The following ADAM32 variants were observed in gnomAD, a reference collection of about 807,000 sequenced individuals.
The protein encoded by ADAM32 is disintegrin and metalloproteinase domain-containing protein 32.
In ADAM32, 89 loss-of-function variants were observed where a neutral mutation model predicts 114.9. The observed-to-expected ratio is 0.77, with a 90% CI of 0.65 to 0.92. ADAM32 has a LOEUF of 0.92. Ranked by LOEUF, ADAM32 falls within the 40% of genes least tolerant of loss-of-function variation. The pLI is 0.00. For missense variants in ADAM32, 870 were observed against 932.8 expected (o/e 0.93, Z 0.88); for synonymous variants, 285 against 307.5 (o/e 0.93, Z 0.77).
intron 22 of ADAM32, among the ~76,000 whole-genome samples, chr8:39,279,806 A>G (rs1425218444): frequency 2.6e-5 from 4 of 152,038 alleles, no homozygotes; most frequent in Non-Finnish European, 4.4e-5. Context: ...TTGTTTTGCA[A>G]TTTAGGTTGA....
chr8:39,284,744 A>G (rs770497932), intron 24 of ADAM32, 49 bp from the exon 25 acceptor site: 2 of 1,608,862 alleles, frequency 1.2e-6, no homozygotes, highest in African/African-American at 2.7e-5. Flanking sequence ...AGTGGGAGGG[A>G]ATTTGCTGTC....
intron 2 of ADAM32, among the ~76,000 whole-genome samples, chr8:39,126,025 C>T (rs1378519856): frequency 6.6e-6 from 1 of 152,122 alleles, no homozygotes; most frequent in Admixed American, 6.6e-5. Context: ...GTCAATGTGT[C>T]TGTTCTTGTA....
At chr8:39,127,619 C>CA (rs1376246775) in intron 2 of ADAM32, among the ~76,000 whole-genome samples, 1 of 151,642 alleles carries the variant, frequency 6.6e-6, no homozygotes, top group African/African-American at 2.4e-5. Context: ...TTTTTTTCCC[C>CA]AAAAACCAGC....
chr8:39,157,795 G>A, intron 6 of ADAM32: 2 of 1,219,768 alleles, frequency 1.6e-6, no homozygotes, highest in Non-Finnish European at 2.4e-6. Flanking sequence ...GCCACCCAGA[G>A]GGTTGATGCT....
intron 2 of ADAM32, chr8:39,130,809 C>T (rs749806729): frequency 6.7e-6 from 3 of 445,446 alleles, no homozygotes; most frequent in Admixed American, 4.9e-5. Flanking sequence ...AGAATATGGT[C>T]AATCATGAAG....
chr8:39,141,244 T>C (rs1034330192), intron 3 of ADAM32, among the ~76,000 whole-genome samples: 1 of 152,202 alleles, frequency 6.6e-6, no homozygotes, highest in Non-Finnish European at 1.5e-5. Flanking sequence ...TTTGAGTTTG[T>C]TTGTTCTTGC....
chr8:39,146,246 A>G (rs1803498182), intron 3 of ADAM32, among the ~76,000 whole-genome samples: 1 of 152,104 alleles, frequency 6.6e-6, no homozygotes, highest in Non-Finnish European at 1.5e-5. Context: ...ACCAAAGTTG[A>G]ACTTAGACTG....
intron 19 of ADAM32, among the ~76,000 whole-genome samples, chr8:39,259,561 T>C (rs1811888128): frequency 6.6e-6 from 1 of 152,200 alleles, no homozygotes; most frequent in African/African-American, 2.4e-5. Context: ...TTACATATAG[T>C]CTTCTTGGAA....
At chr8:39,178,317 CT>C (rs1382599309) in intron 10 of ADAM32, among the ~76,000 whole-genome samples, 1 of 152,114 alleles carries the variant, frequency 6.6e-6, no homozygotes, top group Non-Finnish European at 1.5e-5. Flanking sequence ...GCTATTGATA[CT>C]TGTGATTGCA....
intron 2 of ADAM32, chr8:39,130,956 C>CTTTTTTTTT (rs71218310): frequency 2.1e-4 from 70 of 329,970 alleles, no homozygotes; most frequent in East Asian, 2.6e-4. Context: ...AGGAGGATGT[C>CTTTTTTTTT]TTTTTTTTTT....
intron 7 of ADAM32, among the ~76,000 whole-genome samples, chr8:39,161,236 C>T (rs1322886718): frequency 6.6e-6 from 1 of 152,170 alleles, no homozygotes; most frequent in African/African-American, 2.4e-5. Context: ...CCTCTCAATC[C>T]ATACTACCAT....
At chr8:39,182,484 C>T (rs1197701636) in intron 10 of ADAM32, among the ~76,000 whole-genome samples, 1 of 152,184 alleles carries the variant, frequency 6.6e-6, no homozygotes, top group Non-Finnish European at 1.5e-5. Context: ...TTAAATCTAG[C>T]TAACAAATGC....
intron 6 of ADAM32, among the ~76,000 whole-genome samples, chr8:39,160,334 A>G (rs1804420658): frequency 6.6e-6 from 1 of 152,122 alleles, no homozygotes; most frequent in African/African-American, 2.4e-5. Flanking sequence ...AGGTCAGGAG[A>G]TGGAGACCAT....
intron 1 of ADAM32, among the ~76,000 whole-genome samples, chr8:39,115,026 C>A (rs1840318176): frequency 6.6e-6 from 1 of 152,222 alleles, no homozygotes; most frequent in Non-Finnish European, 1.5e-5. Flanking sequence ...CAGCTGCAAC[C>A]ATGTGGCTGC....
chr8:39,224,317 T>A (rs999653900), intron 14 of ADAM32, among the ~76,000 whole-genome samples: 7 of 152,232 alleles, frequency 4.6e-5, no homozygotes, highest in Non-Finnish European at 1.0e-4. Context: ...AATCATAAGG[T>A]AGTTCTACTT....
chr8:39,254,630 G>T (rs1031478731), intron 18 of ADAM32, 114 bp downstream of exon 18: 4 of 728,494 alleles, frequency 5.5e-6, no homozygotes, highest in Non-Finnish European at 6.2e-6. Context: ...GTAATAAAAA[G>T]GTAATCAGAA....
At chr8:39,152,299 A>T (rs1409882762) in intron 6 of ADAM32, among the ~76,000 whole-genome samples, 1 of 152,230 alleles carries the variant, frequency 6.6e-6, no homozygotes, top group African/African-American at 2.4e-5. Context: ...TGGTGCTTAC[A>T]CAAGCAATTG....
chr8:39,140,723 G>A (rs1187818883), intron 3 of ADAM32, among the ~76,000 whole-genome samples: 1 of 152,144 alleles, frequency 6.6e-6, no homozygotes, highest in Non-Finnish European at 1.5e-5. Flanking sequence ...ATTTCAGAAG[G>A]AATGGTACCA....
chr8:39,160,514 T>C (rs1255965050), intron 6 of ADAM32, among the ~76,000 whole-genome samples: 1 of 113,346 alleles, frequency 8.8e-6, no homozygotes, highest in Non-Finnish European at 1.6e-5. Flanking sequence ...CACTATAGCC[T>C]GGGCGACAGA....
Sources: gnomAD v4.1 joint callset for allele counts (sites outside exome capture counted in the v4.1 genomes callset) on GRCh38, gnomAD v4.1.1 for gene constraint, MANE v1.5 for transcripts, NCBI Gene and HGNC (gene_info 2026-07-23, HGNC 2026-07-21) for gene names.